RXRA: variants seen among roughly 807,000 people sequenced by gnomAD.
RXRA encodes the protein retinoid X receptor alpha, also known as retinoic acid receptor RXR-alpha.
Under a neutral mutation model 44.5 loss-of-function variants are expected in RXRA, and 5 were observed. The ratio of observed to expected loss-of-function variants is 0.11; its 90% confidence interval spans 0.06 to 0.24. RXRA has a LOEUF of 0.24. RXRA is among the 10% of genes least tolerant of loss of function. The pLI is 1.00. For synonymous variants in RXRA, 291 were observed against 271.4 expected (o/e 1.07, Z -0.71); for missense variants, 412 against 646.5 (o/e 0.64, Z 3.93).
In RXRA at chr9:134,326,631, C is replaced by A; in HGVS notation, c.-1C>A. On this transcript the variant is annotated 5_prime_UTR_variant, in exon 1 of 10. Coordinates refer to ENST00000481739, the MANE Select transcript of RXRA (RefSeq NM_002957.6). ...CGGCCGGGCATGAGTTAGTCGCAGA[C>A]ATGGACACCAAACATTTCCTGCCGC... 1 of 968,330 alleles carries A rather than the reference C, an allele frequency of 1.0e-6. No individual in the cohort carries two copies. The allele number at this position is 968,330 out of a possible 1,614,324, so 60.0% of individuals were successfully genotyped here. A position where few individuals can be genotyped will look rare whatever the true frequency, so the allele number is the denominator to read the frequency against.
chr9:134,391,487 C>T (rs1280157580), intron 1 of RXRA, among the ~76,000 whole-genome samples: 1 of 152,154 alleles, frequency 6.6e-6, no homozygotes, highest in Non-Finnish European at 1.5e-5. Context: ...AGGCTGGGGG[C>T]CCCCTCGCCA....
intron 6 of RXRA, chr9:134,422,696 G>C (rs1294787269): frequency 1.0e-6 from 1 of 985,304 alleles, no homozygotes; most frequent in South Asian, 4.7e-5. Context: ...CCCCGTCCTG[G>C]GACCTCCTAT....
chr9:134,362,518 T>C (rs954356035), intron 1 of RXRA, among the ~76,000 whole-genome samples: 2 of 152,190 alleles, frequency 1.3e-5, no homozygotes, highest in African/African-American at 4.8e-5. Context: ...AGGAGCCGAG[T>C]CTGCCTCGTG....
chr9:134,348,893 G>A (rs898538226), intron 1 of RXRA, among the ~76,000 whole-genome samples: 2 of 152,196 alleles, frequency 1.3e-5, no homozygotes, highest in African/African-American at 2.4e-5. Context: ...AAACACCCAC[G>A]ACCCCCAGAC....
intron 1 of RXRA, among the ~76,000 whole-genome samples, chr9:134,329,256 A>G (rs1554746373): frequency 6.6e-6 from 1 of 152,208 alleles, no homozygotes; most frequent in Non-Finnish European, 1.5e-5. Context: ...GACCCAAAAT[A>G]GAGCACATTC....
intron 1 of RXRA, among the ~76,000 whole-genome samples, chr9:134,399,002 G>T: frequency 6.6e-6 from 1 of 152,264 alleles, no homozygotes; most frequent in South Asian, 2.1e-4. Flanking sequence ...TGTTTCCCTG[G>T]ATTGGCTTGG....
chr9:134,350,982 G>T (rs572000166), intron 1 of RXRA, among the ~76,000 whole-genome samples: 23 of 152,242 alleles, frequency 1.5e-4, no homozygotes, highest in African/African-American at 3.1e-4. Flanking sequence ...AGCAAGGGGG[G>T]GCTGAGCATC....
rs1830413107 is a variant in RXRA at position 134,366,234 on chromosome 9, C to G, written c.29-35398C>G. Among the ~76,000 whole-genome samples the G allele has an allele frequency of 6.6e-6, 1 of 152,110 alleles. No homozygotes were observed. The highest frequency in any genetic ancestry group is 1.5e-5 in the Non-Finnish European group (1 of 67,982). ...CTGTGTGTGGGGCCAGGGAGGGTGT[C>G]TTCAGCACAGGTGCCCGCTGGGTGG... On this transcript the variant is annotated intron_variant, in intron 1 of 9. Transcript: ENST00000481739. This position sits in a 1 kb window ranked among gnomAD's most constrained non-coding sequence, Gnocchi z 5.9.
rs979107935 is a variant in RXRA at position 134,423,797 on chromosome 9, G to T, written c.910+1992G>T. On this transcript the variant is annotated intron_variant, in intron 6 of 9. Transcript: ENST00000481739. ...CCCTCGGTTCAGAGCCCCTGGCTTT[G>T]CCAGCTGCAGGCCTGCCTGACCCCA... 8 of 985,350 alleles carry T rather than the reference G, an allele frequency of 8.1e-6. No individual in the cohort carries two copies. The Admixed American group carries it at 1.8e-4, about 23-fold the overall frequency. The allele number at this position is 985,350 out of a possible 1,614,324, so 61.0% of individuals were successfully genotyped here. A position where few individuals can be genotyped will look rare whatever the true frequency, so the allele number is the denominator to read the frequency against.
chr9:134,330,026 C>T (rs1834978624), intron 1 of RXRA, among the ~76,000 whole-genome samples: 1 of 152,212 alleles, frequency 6.6e-6, no homozygotes, highest in Non-Finnish European at 1.5e-5. Flanking sequence ...TACAGGTCCA[C>T]CCAGTGCCAG....
chr9:134,361,451 G>A (rs555890816), intron 1 of RXRA, among the ~76,000 whole-genome samples: 57 of 152,176 alleles, frequency 3.7e-4, no homozygotes, highest in Non-Finnish European at 6.6e-4. Flanking sequence ...CGACCCTGTC[G>A]TTTCTCTTTG....
rs567970253 is a variant in RXRA at position 134,339,039 on chromosome 9, T to TGG, written c.28+12383_28+12384dup. ...GGCAGTGCCCACACCGGCAGGGACC[T>TGG]GGGGACTTGGAGCCGGACCTAGGTC... On this transcript the variant is annotated intron_variant, in intron 1 of 9. Transcript: ENST00000481739. Among the ~76,000 whole-genome samples, 14 of 152,350 alleles carry TGG rather than the reference T, an allele frequency of 9.2e-5. No individual in the cohort carries two copies. In the South Asian group the frequency reaches 2.9e-3, roughly 32 times the overall value.
intron 5 of RXRA, among the ~76,000 whole-genome samples, chr9:134,420,014 C>T (rs1197399660): frequency 6.6e-6 from 1 of 152,224 alleles, no homozygotes; most frequent in Non-Finnish European, 1.5e-5. Context: ...TTGAGGCTCT[C>T]CTTCCTACCC....
rs1399075129 is a variant in RXRA, at chr9:134,417,707, G to C, written c.780+380G>C. On this transcript the variant is annotated intron_variant, in intron 5 of 9. Transcript: ENST00000481739. The surrounding 1 kb of genome is among the most constrained non-coding windows in gnomAD (Gnocchi z 6.1). ...TGCTCCCCGGTGCCACTTGGAAAAG[G>C]TATGGGAGGAGGCCGAGCCCCCAGC... Among the ~76,000 whole-genome samples, 2 of 152,168 alleles carry C rather than the reference G, an allele frequency of 1.3e-5. No homozygotes were observed. The highest frequency in any genetic ancestry group is 2.4e-5 in the African/African-American group (1 of 41,436).
intron 1 of RXRA, among the ~76,000 whole-genome samples, chr9:134,376,692 C>T (rs1830562489): frequency 8.1e-5 from 1 of 12,302 alleles, no homozygotes; most frequent in South Asian, 3.2e-3. Context: ...TGGGCAGTAC[C>T]CTCCCTGGCT....
rs1564302167 is a variant in RXRA at position 134,437,559 on chromosome 9, A to G, written c.*945A>G. 6.6e-6 allele frequency: 1 copy of G among 152,256 alleles called. No homozygotes were observed. The highest frequency in any genetic ancestry group is 6.5e-5 in the Admixed American group (1 of 15,276). The allele number at this position is 152,256 out of a possible 1,614,324, so 9.4% of individuals were successfully genotyped here. ...GAGGCACAGGGCTCTGCGGACCTGC[A>G]GCCATCTGTGAGGCCCGCGGGGATG... On this transcript the variant is annotated 3_prime_UTR_variant, in exon 10 of 10. Coordinates refer to ENST00000481739, the MANE Select transcript of RXRA (RefSeq NM_002957.6).
intron 1 of RXRA, among the ~76,000 whole-genome samples, chr9:134,339,029 G>A (rs1360309315): frequency 4.6e-5 from 7 of 152,238 alleles, no homozygotes; most frequent in Admixed American, 6.5e-5. Flanking sequence ...TGCCCACACC[G>A]GCAGGGACCT....
At chr9:134,329,928 G>T (rs1256676211) in intron 1 of RXRA, among the ~76,000 whole-genome samples, 1 of 152,200 alleles carries the variant, frequency 6.6e-6, no homozygotes, top group African/African-American at 2.4e-5. Flanking sequence ...GGGCCTGGTC[G>T]TGCATGTGGC....
chr9:134,422,534 G>A, intron 6 of RXRA: 1 of 1,178,706 alleles, frequency 8.5e-7, no homozygotes. Context: ...CCCCCTTCCG[G>A]GACACTCCCC....
Sources: allele counts gnomAD v4.1 joint callset (sites outside exome capture counted in the v4.1 genomes callset), GRCh38; gene constraint gnomAD v4.1.1; non-coding constraint Gnocchi (gnomAD v3.1); transcripts MANE v1.5; gene names NCBI Gene and HGNC (gene_info 2026-07-23, HGNC 2026-07-21).